GSG1L: variants seen among roughly 807,000 people sequenced by gnomAD.
GSG1L encodes the protein GSG1 like.
A neutral mutation model predicts 42.1 loss-of-function variants in GSG1L; 24 were observed. The ratio of observed to expected loss-of-function variants is 0.57; its 90% confidence interval spans 0.41 to 0.80. The LOEUF (loss-of-function observed/expected upper bound fraction) is 0.80. Among genes scored for constraint, GSG1L ranks in the 30% least tolerant of loss-of-function variants. The pLI, the probability that GSG1L is intolerant of heterozygous loss-of-function variation, is 0.00. For synonymous variants in GSG1L, 215 were observed against 203.5 expected (o/e 1.06, Z -0.48); for missense variants, 445 against 472.2 (o/e 0.94, Z 0.53).
chr16:27,874,425 T>C (rs1197795775), intron 3 of GSG1L, among the ~76,000 whole-genome samples: 1 of 137,342 alleles, frequency 7.3e-6, no homozygotes, highest in Non-Finnish European at 1.5e-5. Context: ...CTCTGGACAC[T>C]GAAGCACAGG....
At position 28,052,029 on chromosome 16, in the gene GSG1L, T is replaced by C. The variant is rs139754642; in HGVS notation, c.349+11047A>G. On this transcript the variant is annotated intron_variant, in intron 1 of 6. Coordinates refer to ENST00000447459, the MANE Select transcript of GSG1L (RefSeq NM_001109763.2). ...GAGAAATGGTGAGACTCTGGATGTG[T>C]TTGGGAAAAGAGTCAGCAGGATTTG... is the stretch of plus-strand genomic sequence containing the variant. Among the ~76,000 whole-genome samples the C allele has an allele frequency of 3.9e-4, 60 of 152,084 alleles. No homozygotes were observed. The East Asian group carries it at 0.01, about 26-fold the overall frequency.
In GSG1L at chr16:27,856,844, G is replaced by A. The variant is rs1287805123; in HGVS notation, c.551-11783C>T. Among the ~76,000 whole-genome samples, 4 of 152,204 alleles carry A rather than the reference G, an allele frequency of 2.6e-5. No individual in the cohort carries two copies. In the East Asian group the frequency reaches 7.7e-4, roughly 29 times the overall value. On this transcript the variant is annotated intron_variant, in intron 3 of 6. Transcript: ENST00000447459. ...TGCAGACAGATGAAGCAGGAGAGAT[G>A]CGGATTTGGGTGAGGAGTGGGGTGG...
At position 27,897,945 on chromosome 16, in the gene GSG1L, G is replaced by A. The variant is rs559527324; in HGVS notation, c.398-13307C>T. 4.6e-5 allele frequency among the ~76,000 whole-genome samples: 7 copies of A among 152,368 alleles called. No individual in the cohort carries two copies. The East Asian group carries it at 1.3e-3, about 29-fold the overall frequency. ...AGGTCCTCTGTAAACGGCAGCCTAT[G>A]AAGCTGATGGGCTGGGCCCAGAAAA... On this transcript the variant is annotated intron_variant, in intron 2 of 6. Coordinates refer to ENST00000447459, the MANE Select transcript of GSG1L (RefSeq NM_001109763.2).
intron 2 of GSG1L, among the ~76,000 whole-genome samples, chr16:27,959,539 G>T (rs1469308760): frequency 7.5e-6 from 1 of 134,178 alleles, no homozygotes; most frequent in Non-Finnish European, 1.6e-5. Context: ...GAGGGAAGGG[G>T]AGGGAAGGGA....
At chr16:27,941,242 A>C (rs1303291287) in intron 2 of GSG1L, among the ~76,000 whole-genome samples, 1 of 152,186 alleles carries the variant, frequency 6.6e-6, no homozygotes, top group Admixed American at 6.5e-5. Context: ...ATATCTGCGA[A>C]TCAGAGATAT....
At chr16:27,874,004 T>C (rs181021858) in intron 3 of GSG1L, among the ~76,000 whole-genome samples, 6 of 152,282 alleles carry the variant, frequency 3.9e-5, no homozygotes, top group Non-Finnish European at 8.8e-5. Flanking sequence ...ATGGCTCTAG[T>C]TGCCCCAAAC....
chr16:27,910,148 A>G (rs1478950032), intron 2 of GSG1L, among the ~76,000 whole-genome samples: 1 of 139,300 alleles, frequency 7.2e-6, no homozygotes, highest in Non-Finnish European at 1.5e-5. Flanking sequence ...TTTTTAGTAG[A>G]CACGGGTTTT....
At chr16:27,850,488 G>T in intron 3 of GSG1L, 1 of 455,522 alleles carries the variant, frequency 2.2e-6, no homozygotes, top group Non-Finnish European at 4.4e-6. Flanking sequence ...CCTGGAGAGA[G>T]ACTGTAGGAA....
chr16:28,029,530 G>GGGATGGATGGAT (rs60587266), intron 1 of GSG1L, among the ~76,000 whole-genome samples: 12,308 of 149,408 alleles, frequency 0.082, 541 homozygotes, highest in South Asian at 0.17. Flanking sequence ...GGTGCATGAA[G>GGGATGGATGGAT]GGATGGATGG....
chr16:27,920,184 T>A (rs1470028480), intron 2 of GSG1L, among the ~76,000 whole-genome samples: 1 of 152,162 alleles, frequency 6.6e-6, no homozygotes, highest in African/African-American at 2.4e-5. Context: ...TCCTAAAACA[T>A]TTGGACTTTG....
intron 2 of GSG1L, among the ~76,000 whole-genome samples, chr16:27,911,101 G>A (rs2084381971): frequency 6.6e-6 from 1 of 152,120 alleles, no homozygotes; most frequent in Non-Finnish European, 1.5e-5. Flanking sequence ...GGCACTCCCT[G>A]TAGTTCCTGC....
At chr16:28,037,109 C>G (rs1180296686) in intron 1 of GSG1L, among the ~76,000 whole-genome samples, 2 of 151,428 alleles carry the variant, frequency 1.3e-5, no homozygotes, top group Non-Finnish European at 2.9e-5. Flanking sequence ...TCACTGCAAC[C>G]TCCGCCTCCC....
chr16:27,980,744 C>T (rs568100277), intron 1 of GSG1L, among the ~76,000 whole-genome samples: 4 of 151,862 alleles, frequency 2.6e-5, no homozygotes, highest in South Asian at 2.1e-4. Flanking sequence ...TAGCCAGGCA[C>T]GATGGCACAT....
intron 1 of GSG1L, among the ~76,000 whole-genome samples, chr16:28,029,967 G>C (rs2085940544): frequency 6.6e-6 from 1 of 152,206 alleles, no homozygotes; most frequent in African/African-American, 2.4e-5. Context: ...CAGCTCGTGG[G>C]ATGAAACATC....
intron 1 of GSG1L, among the ~76,000 whole-genome samples, chr16:27,996,895 G>T (rs2141139927): frequency 6.6e-6 from 1 of 152,230 alleles, no homozygotes; most frequent in African/African-American, 2.4e-5. Context: ...TGAGTAGCTG[G>T]AATTACAGGC....
At chr16:27,935,026 G>T (rs147516796) in intron 2 of GSG1L, among the ~76,000 whole-genome samples, 2 of 152,334 alleles carry the variant, frequency 1.3e-5, no homozygotes, top group African/African-American at 2.4e-5. Context: ...CGCATAAAAC[G>T]AGATCATTTC....
chr16:27,851,501 G>C (rs1353692986), intron 3 of GSG1L, among the ~76,000 whole-genome samples: 2 of 152,092 alleles, frequency 1.3e-5, no homozygotes, highest in Non-Finnish European at 2.9e-5. Flanking sequence ...TGCTGGATCT[G>C]AGTTCTTAAG....
At chr16:28,030,648 C>A (rs2085946722) in intron 1 of GSG1L, among the ~76,000 whole-genome samples, 1 of 152,180 alleles carries the variant, frequency 6.6e-6, no homozygotes, top group African/African-American at 2.4e-5. Context: ...TGGATTTTGT[C>A]ACTTGCAGCC....
intron 1 of GSG1L, among the ~76,000 whole-genome samples, chr16:28,024,267 G>A (rs1352920760): frequency 1.3e-5 from 2 of 152,152 alleles, no homozygotes; most frequent in Non-Finnish European, 2.9e-5. Context: ...CAGAGATTCC[G>A]GGAGGCAAGT....
Sources: allele counts gnomAD v4.1 joint callset (sites outside exome capture counted in the v4.1 genomes callset), GRCh38; gene constraint gnomAD v4.1.1; transcripts MANE v1.5; gene names NCBI Gene and HGNC (gene_info 2026-07-23, HGNC 2026-07-21).